Variants in LRP1B observed in about 807,000 individuals in gnomAD.
LRP1B encodes LDL receptor related protein 1B.
In LRP1B, 217 loss-of-function variants were observed where a neutral mutation model predicts 556.6. The ratio of observed to expected loss-of-function variants is 0.39; its 90% CI spans 0.35 to 0.44. LRP1B has a LOEUF of 0.44. LRP1B is among the 20% of genes least tolerant of loss of function. LRP1B has a pLI of 1.00. For synonymous variants in LRP1B, 2,047 were observed against 1,865.8 expected, an observed-to-expected ratio of 1.10 and a Z score of -2.50; for missense variants, 5,053 against 5,620.8, an observed-to-expected ratio of 0.90 and a Z score of 3.23.
At chr2:140,816,276 C>T (rs1159588324) in intron 31 of LRP1B, among the ~76,000 whole-genome samples, 1 of 152,038 alleles carries the variant, frequency 6.6e-6, no homozygotes, top group Non-Finnish European at 1.5e-5. Context: ...TGCCACCACA[C>T]CCAGCTAATT....
chr2:140,756,908 A>G (rs2104906974), intron 35 of LRP1B, among the ~76,000 whole-genome samples: 1 of 152,298 alleles, frequency 6.6e-6, no homozygotes, highest in African/African-American at 2.4e-5. Flanking sequence ...ACTTTTGCAA[A>G]TTATCTTACA....
chr2:141,012,045 G>A (rs567775020), intron 14 of LRP1B, among the ~76,000 whole-genome samples: 1 of 152,068 alleles, frequency 6.6e-6, no homozygotes, highest in Admixed American at 6.6e-5. Flanking sequence ...TAACCATCAT[G>A]GAAATGTTAT....
At chr2:141,140,205 CAA>C (rs1420877436) in intron 7 of LRP1B, among the ~76,000 whole-genome samples, 2 of 151,870 alleles carry the variant, frequency 1.3e-5, no homozygotes, top group African/African-American at 4.8e-5. Flanking sequence ...ACATAGAGCA[CAA>C]GGGAACGTTT....
chr2:140,361,982 AAAC>A, intron 72 of LRP1B, among the ~76,000 whole-genome samples: 1 of 151,700 alleles, frequency 6.6e-6, no homozygotes, highest in East Asian at 2.0e-4. Flanking sequence ...GGGAAAGCAA[AAAC>A]AACATACACA....
Position 140,456,503 on chromosome 2 carries a change from A to G in LRP1B, c.9915T>C (p.Tyr3305=). 6.2e-7 allele frequency: 1 copy of G among 1,613,500 alleles called. No individual in the cohort carries two copies. The highest frequency in any genetic ancestry group is 8.5e-7 in the Non-Finnish European group (1 of 1,179,606). Residue 3305 remains tyrosine, a synonymous_variant, in exon 62 of 91, where the codon TAT becomes TAC. Coordinates refer to ENST00000389484, the MANE Select transcript of LRP1B (RefSeq NM_018557.3). ...AGCAAGTCCTATTATCAGCTGCCAGATAGAAGTTAGTGGGACATGCACAAG... is the reference window on the plus strand; with the variant it reads ...AGCAAGTCCTATTATCAGCTGCCAGGTAGAAGTTAGTGGGACATGCACAAG... The part of the protein sequence containing the change: ...THTCACPTNF[Y]LAADNRTCLS...
intron 15 of LRP1B, among the ~76,000 whole-genome samples, chr2:141,000,556 T>C (rs1697387913): frequency 6.6e-6 from 1 of 151,984 alleles, no homozygotes; most frequent in Non-Finnish European, 1.5e-5. Context: ...GACTACAGAC[T>C]AGGTTAAGGG....
intron 2 of LRP1B, among the ~76,000 whole-genome samples, chr2:141,743,486 C>CTTTTTTTTTTTTTCTTTT (rs1693787238): frequency 1.9e-5 from 2 of 108,034 alleles, no homozygotes; most frequent in Admixed American, 1.0e-4. Flanking sequence ...CTGCTTTTTT[C>CTTTTTTTTTTTTTCTTTT]TTTTTTTTTT....
At chr2:140,475,384 G>C (rs752423160) in intron 59 of LRP1B, 47 bp from the exon 60 acceptor site, 1 of 1,405,586 alleles carries the variant, frequency 7.1e-7, no homozygotes, top group East Asian at 2.4e-5. Flanking sequence ...TTCTCTGGGA[G>C]CAAAACAACA....
rs148708523 is a variant in LRP1B at position 141,373,886 on chromosome 2, A to T, written c.343+106510T>A. 2.5e-3 allele frequency among the ~76,000 whole-genome samples: 387 copies of T among 151,774 alleles called. 1 individual carries two copies. The highest frequency in any genetic ancestry group is 8.9e-3 in the African/African-American group (367 of 41,406). ...ATTTTGGTATTTATGATTTGATGAG[A>T]TTCTGTCATGTTGCCATTTGATTCA... On this transcript the variant is annotated intron_variant, in intron 3 of 90. Transcript: ENST00000389484.
At chr2:141,876,436 G>T (rs1574454449) in intron 1 of LRP1B, among the ~76,000 whole-genome samples, 1 of 152,046 alleles carries the variant, frequency 6.6e-6, no homozygotes, top group East Asian at 1.9e-4. Context: ...CCAAATCAGA[G>T]AAAGGAAATA....
chr2:140,350,654 C>A, intron 77 of LRP1B, 143 bp downstream of exon 77: 3 of 684,432 alleles, frequency 4.4e-6, no homozygotes, highest in East Asian at 3.3e-5. Context: ...TAGAGAAATG[C>A]ATTATTTCTA....
intron 1 of LRP1B, among the ~76,000 whole-genome samples, chr2:141,828,115 T>C (rs1427819547): frequency 6.6e-6 from 1 of 151,752 alleles, no homozygotes; most frequent in African/African-American, 2.4e-5. Context: ...AATTAATCTA[T>C]TTAAGCATAA....
In LRP1B at chr2:140,552,980, T is replaced by TAA. The variant is rs1158659556; in HGVS notation, c.7195-11011_7195-11010dup. On this transcript the variant is annotated intron_variant, in intron 43 of 90. Coordinates refer to ENST00000389484, the MANE Select transcript of LRP1B (RefSeq NM_018557.3). Reference sequence around the variant, plus strand: ...TGAAAGCACTCAAACCAGTAAAAAATAAACCTGAATGTAAAAATATTCAGT... The same window carrying TAA: ...TGAAAGCACTCAAACCAGTAAAAAATAAAAACCTGAATGTAAAAATATTCAGT... 5.3e-5 allele frequency among the ~76,000 whole-genome samples: 8 copies of TAA among 152,032 alleles called. 1 individual carries two copies. The highest frequency in any genetic ancestry group is 1.4e-4 in the African/African-American group (6 of 41,430).
intron 4 of LRP1B, among the ~76,000 whole-genome samples, chr2:141,248,743 AT>A (rs1684158159): frequency 6.6e-6 from 1 of 152,212 alleles, no homozygotes; most frequent in Non-Finnish European, 1.5e-5. Flanking sequence ...GATGGGCTAC[AT>A]GGTCAGCTTT....
chr2:140,518,877 C>T (rs1690032338), intron 49 of LRP1B, among the ~76,000 whole-genome samples: 1 of 152,196 alleles, frequency 6.6e-6, no homozygotes, highest in African/African-American at 2.4e-5. Flanking sequence ...CATCTGCAAA[C>T]ACGGACAATT....
chr2:141,160,901 C>G (rs988439346), intron 7 of LRP1B, among the ~76,000 whole-genome samples: 1 of 151,432 alleles, frequency 6.6e-6, no homozygotes, highest in Non-Finnish European at 1.5e-5. Flanking sequence ...AAAAAGGGTG[C>G]ATGTGAATCT....
At chr2:141,130,207 A>G (rs533524148) in intron 7 of LRP1B, among the ~76,000 whole-genome samples, 182 of 152,200 alleles carry the variant, frequency 1.2e-3, no homozygotes, top group African/African-American at 3.7e-3. Flanking sequence ...AGAAAAACTG[A>G]CAAACATTCA....
intron 2 of LRP1B, among the ~76,000 whole-genome samples, chr2:141,771,225 T>C (rs1694888891): frequency 6.6e-6 from 1 of 152,120 alleles, no homozygotes; most frequent in African/African-American, 2.4e-5. Flanking sequence ...ATTCATCCTT[T>C]AAAACCTTAA....
intron 1 of LRP1B, among the ~76,000 whole-genome samples, chr2:142,018,970 C>T (rs1409883450): frequency 6.6e-6 from 1 of 152,140 alleles, no homozygotes; most frequent in Non-Finnish European, 1.5e-5. Flanking sequence ...TTTTAGGTTA[C>T]ATATTCTTGG....
Sources: gnomAD v4.1 joint callset for allele counts (sites outside exome capture counted in the v4.1 genomes callset) on GRCh38, gnomAD v4.1.1 for gene constraint, MANE v1.5 for transcripts, NCBI Gene and HGNC (gene_info 2026-07-23, HGNC 2026-07-21) for gene names.